The following AGBL1 variants were observed in gnomAD, a reference collection of about 807,000 sequenced individuals.
The protein encoded by AGBL1 is AGBL carboxypeptidase 1.
Under a neutral mutation model 118.9 loss-of-function variants are expected in AGBL1, and 130 were observed. The observed-to-expected ratio is 1.09, with a 90% CI of 0.95 to 1.26. AGBL1 has a LOEUF of 1.26. Among genes scored for constraint, AGBL1 ranks in the 50% most tolerant of loss-of-function variants. The pLI is 0.00. For synonymous variants in AGBL1, 555 were observed against 478.9 expected (o/e 1.16, Z -2.08); for missense variants, 1,584 against 1,298.1 (o/e 1.22, Z -3.38).
chr15:86,925,962 C>T (rs1482527777), intron 23 of AGBL1, among the ~76,000 whole-genome samples: 1 of 151,998 alleles, frequency 6.6e-6, no homozygotes, highest in African/African-American at 2.4e-5. Flanking sequence ...AATCTCCTGA[C>T]CTTGTGATTC....
chr15:86,796,105 C>T (rs1027739745), intron 22 of AGBL1, among the ~76,000 whole-genome samples: 8 of 152,074 alleles, frequency 5.3e-5, no homozygotes, highest in African/African-American at 1.9e-4. Context: ...AGTTAAAATG[C>T]ATAAACTTGG....
At chr15:86,831,702 A>G (rs2079106469) in intron 22 of AGBL1, among the ~76,000 whole-genome samples, 1 of 152,130 alleles carries the variant, frequency 6.6e-6, no homozygotes, top group South Asian at 2.1e-4. Flanking sequence ...ACTGGCATTG[A>G]GTGACTGCAG....
rs200070732 is a variant in AGBL1 at position 86,966,279 on chromosome 15, CTT to C, written c.3222-21694_3222-21693del. Among the ~76,000 whole-genome samples, 445 of 130,316 alleles carry C rather than the reference CTT, an allele frequency of 3.4e-3. 4 individuals carry two copies. The highest frequency in any genetic ancestry group is 0.024 in the Middle Eastern group (6 of 248). 85.5% of individuals were successfully genotyped at this position (130,316 alleles called of 152,430 possible). A position where few individuals can be genotyped will look rare whatever the true frequency, so the allele number is the denominator to read the frequency against. On this transcript the variant is annotated intron_variant, in intron 23 of 24. Transcript: ENST00000441037. Reference sequence around the variant, plus strand: ...ATTTAGGTGTGGGATTGAACCATTTCTTTTTTTTTTTTTTTAACAGAAATCCT... The same window carrying C: ...ATTTAGGTGTGGGATTGAACCATTTCTTTTTTTTTTTTTAACAGAAATCCT...
intron 1 of AGBL1, among the ~76,000 whole-genome samples, chr15:86,137,758 G>C (rs1044052174): frequency 2.6e-5 from 4 of 152,096 alleles, no homozygotes; most frequent in African/African-American, 4.8e-5. Context: ...CCCTGGGCAG[G>C]GGAGAGAGAC....
chr15:86,790,491 C>G (rs1416008786), intron 22 of AGBL1, among the ~76,000 whole-genome samples: 1 of 152,178 alleles, frequency 6.6e-6, no homozygotes, highest in Non-Finnish European at 1.5e-5. Flanking sequence ...TGGTGGGCAT[C>G]ACTATAGGAC....
chr15:86,306,407 T>C (rs1218586690), intron 17 of AGBL1, among the ~76,000 whole-genome samples: 2 of 152,202 alleles, frequency 1.3e-5, no homozygotes, highest in East Asian at 1.9e-4. Flanking sequence ...AGTGAGAACA[T>C]GCAATATTTG....
chr15:86,196,132 CA>C (rs1418227300), intron 5 of AGBL1, among the ~76,000 whole-genome samples: 26 of 152,044 alleles, frequency 1.7e-4, no homozygotes, highest in Admixed American at 1.6e-3. Flanking sequence ...TTAAATATTT[CA>C]AATAAATTAT....
chr15:87,027,032 A>C lies in AGBL1; in HGVS notation c.3324-1793A>C, dbSNP rs2081735168. Among the ~76,000 whole-genome samples, 5 of 152,034 alleles carry C rather than the reference A, an allele frequency of 3.3e-5. No homozygotes were observed. In the South Asian group the frequency reaches 8.3e-4, roughly 25 times the overall value. ...AGATAAAAGACTACAAATAGCGTGC[A>C]GTGCATACTGCTTGGGTGATGGGTG... is the stretch of plus-strand genomic sequence containing the variant. On this transcript the variant is annotated intron_variant, in intron 24 of 24. Coordinates refer to the AGBL1 transcript ENST00000441037.
intron 22 of AGBL1, among the ~76,000 whole-genome samples, chr15:86,840,941 C>T (rs543627774): frequency 6.6e-5 from 10 of 152,234 alleles, no homozygotes; most frequent in African/African-American, 2.4e-4. Context: ...CTTTCTACTG[C>T]AACTCACAAA....
intron 22 of AGBL1, among the ~76,000 whole-genome samples, chr15:86,771,867 G>T (rs1023357756): frequency 6.6e-6 from 1 of 152,012 alleles, no homozygotes; most frequent in African/African-American, 2.4e-5. Context: ...CCCTAAGGCT[G>T]CTGGATGGGG....
chr15:86,310,365 A>G (rs1232637013), intron 17 of AGBL1, among the ~76,000 whole-genome samples: 3 of 151,652 alleles, frequency 2.0e-5, no homozygotes, highest in Non-Finnish European at 4.4e-5. Flanking sequence ...TTTTTGAAAA[A>G]GCAACTCTTA....
At chr15:86,490,261 T>C (rs2082762719) in intron 18 of AGBL1, among the ~76,000 whole-genome samples, 1 of 152,062 alleles carries the variant, frequency 6.6e-6, no homozygotes, top group Admixed American at 6.6e-5. Flanking sequence ...ATCCCTGCAG[T>C]GTGTGCACGC....
intron 22 of AGBL1, among the ~76,000 whole-genome samples, chr15:86,843,776 G>C (rs552447725): frequency 6.6e-6 from 1 of 152,222 alleles, no homozygotes; most frequent in East Asian, 1.9e-4. Flanking sequence ...CAAGGTAAGC[G>C]TAAGGCTCAA....
chr15:86,360,301 A>G (rs958424818), intron 17 of AGBL1, among the ~76,000 whole-genome samples: 4 of 149,832 alleles, frequency 2.7e-5, no homozygotes, highest in Non-Finnish European at 4.4e-5. Flanking sequence ...TACTGATATA[A>G]TAATGTAGGG....
intron 23 of AGBL1, among the ~76,000 whole-genome samples, chr15:86,959,775 T>C (rs991151745): frequency 6.6e-6 from 1 of 152,088 alleles, no homozygotes; most frequent in Non-Finnish European, 1.5e-5. Flanking sequence ...ACAAGACTTA[T>C]CTTTTTCTTC....
rs917704551 is a variant in AGBL1 at position 86,852,507 on chromosome 15, C to A, written c.3159-54580C>A. 2.6e-5 allele frequency among the ~76,000 whole-genome samples: 4 copies of A among 152,190 alleles called. No individual in the cohort carries two copies. The East Asian group carries it at 7.7e-4, about 29-fold the overall frequency. ...TGCTATCTGGAAACTCTATTCTGAT[C>A]CACCTGCAAGCCCCCAGACACTATA... is the stretch of plus-strand genomic sequence containing the variant. On this transcript the variant is annotated intron_variant, in intron 22 of 22. Transcript: ENST00000614907.
intron 24 of AGBL1, among the ~76,000 whole-genome samples, chr15:87,021,375 C>T (rs1255954748): frequency 1.3e-5 from 2 of 152,014 alleles, no homozygotes; most frequent in South Asian, 2.1e-4. Flanking sequence ...AAATGTAAAA[C>T]CCAAAATTAT....
At chr15:86,152,095 G>A (rs147478886) in intron 3 of AGBL1, among the ~76,000 whole-genome samples, 247 of 152,144 alleles carry the variant, frequency 1.6e-3, no homozygotes, top group Non-Finnish European at 2.9e-3. Context: ...CATACTGCCC[G>A]AAGTAATTTA....
At chr15:86,870,454 C>CAAAAAAAAAAAAAGAAAAAAAAAAAA in intron 22 of AGBL1, among the ~76,000 whole-genome samples, 1 of 64,130 alleles carries the variant, frequency 1.6e-5, no homozygotes, top group Non-Finnish European at 2.8e-5. Context: ...AAGCATACTG[C>CAAAAAAAAAAAAAGAAAAAAAAAAAA]AAAAAAAAAA....
Sources: allele counts gnomAD v4.1 joint callset (sites outside exome capture counted in the v4.1 genomes callset), GRCh38; gene constraint gnomAD v4.1.1; transcripts MANE v1.5; gene names NCBI Gene and HGNC (gene_info 2026-07-23, HGNC 2026-07-21).